Variants in WDFY3 observed in about 807,000 individuals in gnomAD.
WDFY3 encodes the protein WD repeat and FYVE domain containing 3, also known as WD repeat and FYVE domain-containing protein 3.
In WDFY3, 66 loss-of-function variants were observed where a neutral mutation model predicts 409.6. That is an observed-to-expected ratio of 0.16 (90% CI 0.13 to 0.20). WDFY3 has a LOEUF of 0.20. Ranked by LOEUF, WDFY3 falls within the 10% of genes least tolerant of loss-of-function variation. WDFY3 has a pLI of 1.00. For missense variants in WDFY3, 3,031 were observed against 4,298.1 expected (o/e 0.71, Z 8.24); for synonymous variants, 1,521 against 1,537.1 (o/e 0.99, Z 0.25).
chr4:84,864,428 C>T (rs2150244230), intron 3 of WDFY3, among the ~76,000 whole-genome samples: 1 of 151,076 alleles, frequency 6.6e-6, no homozygotes, highest in East Asian at 1.9e-4. Flanking sequence ...AAGGATTACG[C>T]TTAATCTACA....
At position 84,775,126 on chromosome 4, in the gene WDFY3, C is replaced by G; in HGVS notation, c.4531G>C (p.Ala1511Pro). The G allele has an allele frequency of 6.2e-7, 1 of 1,613,068 alleles. No individual in the cohort carries two copies. Among genetic ancestry groups the G allele is most frequent in the Non-Finnish European group, 8.5e-7 (1 of 1,179,778 alleles). Reference sequence around the variant, plus strand: ...AAGGAAAGATGAAGTTCATATGGTGCATGGAGCCAGACCTATAATAAATAA... The same window carrying G: ...AAGGAAAGATGAAGTTCATATGGTGGATGGAGCCAGACCTATAATAAATAA... ...LLCDFEVWLH[A>P]PYELHLSLFE... The change falls in exon 28 of 68, where the codon GCA (alanine) becomes CCA (proline). Residue 1511 changes from alanine (A) to proline (P), a missense_variant. This residue lies in a region of WDFY3 where 342 missense variants were observed against 463.7 expected (regional missense o/e 0.74). Coordinates refer to ENST00000295888, the MANE Select transcript of WDFY3 (RefSeq NM_014991.6).
At chr4:84,729,422 G>T (rs1470492976) in intron 44 of WDFY3, among the ~76,000 whole-genome samples, 1 of 151,736 alleles carries the variant, frequency 6.6e-6, no homozygotes, top group Non-Finnish European at 1.5e-5. Context: ...GTTACTGTGT[G>T]AAGAGTACAA....
At chr4:84,911,359 C>T (rs1233487709) in intron 2 of WDFY3, among the ~76,000 whole-genome samples, 3 of 152,104 alleles carry the variant, frequency 2.0e-5, no homozygotes, top group Non-Finnish European at 2.9e-5. Flanking sequence ...ATGTGGCATA[C>T]GACTGTAGTC....
At position 84,747,506 on chromosome 4, in the gene WDFY3, T is replaced by C. The variant is rs570783516; in HGVS notation, c.5974-3707A>G. ...GATGTATGACAATGGGGAGCTCTTG[T>C]AGAAGATGGTTGGCATAGAGTCCAG... On this transcript the variant is annotated intron_variant, in intron 36 of 67. Transcript: ENST00000295888. Among the ~76,000 whole-genome samples the C allele has an allele frequency of 1.1e-4, 16 of 152,286 alleles. 1 individual carries two copies. In the South Asian group the frequency reaches 3.3e-3, roughly 32 times the overall value.
intron 38 of WDFY3, among the ~76,000 whole-genome samples, chr4:84,740,856 C>T (rs2149224969): frequency 6.6e-6 from 1 of 152,166 alleles, no homozygotes; most frequent in South Asian, 2.1e-4. Flanking sequence ...TTCTCTTTGG[C>T]TTAAATACAA....
chr4:84,863,776 C>T (rs1163491198), intron 3 of WDFY3, among the ~76,000 whole-genome samples: 2 of 152,036 alleles, frequency 1.3e-5, no homozygotes, highest in Admixed American at 1.3e-4. Context: ...CCAGTTTTCC[C>T]AACACCATTT....
At chr4:84,865,296 A>C (rs1761229132) in intron 3 of WDFY3, among the ~76,000 whole-genome samples, 1 of 152,234 alleles carries the variant, frequency 6.6e-6, no homozygotes, top group Non-Finnish European at 1.5e-5. Context: ...ATTTTATCAG[A>C]TACAAAAGGA....
At chr4:84,808,866 A>G (rs760432714) in intron 14 of WDFY3, 2 of 151,324 alleles carry the variant, frequency 1.3e-5, no homozygotes, top group Non-Finnish European at 2.9e-5. Context: ...TTTTTTTTTT[A>G]CAATTGTTGT....
At chr4:84,939,774 A>C (rs1207836917) in intron 1 of WDFY3, among the ~76,000 whole-genome samples, 2 of 152,028 alleles carry the variant, frequency 1.3e-5, no homozygotes, top group Admixed American at 6.6e-5. Flanking sequence ...CCAGGCTCAC[A>C]TGGTATGTGC....
At chr4:84,875,715 T>C (rs1420868141) in intron 3 of WDFY3, among the ~76,000 whole-genome samples, 1 of 152,238 alleles carries the variant, frequency 6.6e-6, no homozygotes, top group Non-Finnish European at 1.5e-5. Flanking sequence ...AATTTTGTTC[T>C]AAGTTTTAAA....
At chr4:84,737,710 G>A (rs1737690775) in intron 40 of WDFY3, among the ~76,000 whole-genome samples, 1 of 152,146 alleles carries the variant, frequency 6.6e-6, no homozygotes, top group Non-Finnish European at 1.5e-5. Context: ...TGTTTAAGGT[G>A]AGTTCAAAAC....
intron 22 of WDFY3, among the ~76,000 whole-genome samples, chr4:84,788,984 C>T (rs1246886533): frequency 1.3e-5 from 2 of 152,072 alleles, no homozygotes; most frequent in African/African-American, 4.8e-5. Flanking sequence ...CGTGCCACTG[C>T]ACTCCAGCCT....
chr4:84,937,636 T>G (rs2151005485), intron 1 of WDFY3, among the ~76,000 whole-genome samples: 1 of 152,208 alleles, frequency 6.6e-6, no homozygotes, highest in Middle Eastern at 3.4e-3. Flanking sequence ...CTAACATAAA[T>G]CATAAATCGT....
At chr4:84,827,040 A>G (rs976375496) in intron 9 of WDFY3, 59 bp from the exon 10 acceptor site, 45 of 1,553,636 alleles carry the variant, frequency 2.9e-5, no homozygotes, top group Non-Finnish European at 3.5e-5. Flanking sequence ...CTCAGATTTA[A>G]CACAAAGTAT....
At chr4:84,964,132 T>G (rs574920818) in intron 1 of WDFY3, among the ~76,000 whole-genome samples, 1 of 152,312 alleles carries the variant, frequency 6.6e-6, no homozygotes, top group South Asian at 2.1e-4. Context: ...ATTCTGCATA[T>G]GATTTCTGGG....
At chr4:84,816,991 G>A (rs1045410188) in intron 13 of WDFY3, among the ~76,000 whole-genome samples, 1 of 152,010 alleles carries the variant, frequency 6.6e-6, no homozygotes, top group Admixed American at 6.6e-5. Context: ...ATATCTACTA[G>A]AATATCCATT....
intron 44 of WDFY3, among the ~76,000 whole-genome samples, chr4:84,731,193 C>T (rs532434184): frequency 1.3e-5 from 2 of 152,294 alleles, no homozygotes; most frequent in African/African-American, 4.8e-5. Flanking sequence ...TCGGATTGGA[C>T]AACCTTGATC....
Position 84,737,294 on chromosome 4 carries a change from T to C in WDFY3, c.6647A>G (p.Glu2216Gly), listed in dbSNP as rs1465859215. ...ELIHSKKQVL[E>G]ELFKVTLPVN... ...AGGTAGAGTTACTTTGAAAAGTTCC[T>C]CTAAGACTTGTTTCTTACTATGTAT... is the stretch of plus-strand genomic sequence containing the variant. Residue 2216 changes from glutamate (E) to glycine (G), a missense_variant, in exon 41 of 68, where the codon GAG becomes GGG. Glu to Gly is a moderately conservative substitution (Grantham distance 98). Transcript: ENST00000295888. 2 of 1,614,028 alleles carry C rather than the reference T, an allele frequency of 1.2e-6. No individual in the cohort carries two copies. The highest frequency in any genetic ancestry group is 2.2e-5 in the East Asian group (1 of 44,874).
chr4:84,799,635 A>G (rs1400776857), intron 17 of WDFY3, among the ~76,000 whole-genome samples: 1 of 152,190 alleles, frequency 6.6e-6, no homozygotes, highest in Admixed American at 6.5e-5. Context: ...ACTAGACGAT[A>G]CATTTTTTAA....
Sources: allele counts gnomAD v4.1 joint callset (sites outside exome capture counted in the v4.1 genomes callset), GRCh38; gene constraint gnomAD v4.1.1; regional missense constraint gnomAD v4.1.1; transcripts MANE v1.5; gene names NCBI Gene and HGNC (gene_info 2026-07-23, HGNC 2026-07-21).